The following CALN1 variants were observed in gnomAD, a reference collection of about 807,000 sequenced individuals.
The protein encoded by CALN1 is calcium-binding protein 8.
CALN1 carries 17 observed loss-of-function variants against 30.6 expected under a neutral mutation model. The ratio of observed to expected loss-of-function variants is 0.56; its 90% CI spans 0.38 to 0.83. The LOEUF (loss-of-function observed/expected upper bound fraction) is 0.83. CALN1 is among the 40% of genes least tolerant of loss of function. The pLI is 0.00. For synonymous variants in CALN1, 156 were observed against 131.4 expected (o/e 1.19, Z -1.28); for missense variants, 291 against 354.9 (o/e 0.82, Z 1.45).
At chr7:71,979,730 C>T (rs1172090200) in intron 5 of CALN1, among the ~76,000 whole-genome samples, 3 of 152,088 alleles carry the variant, frequency 2.0e-5, no homozygotes, top group Non-Finnish European at 4.4e-5. Context: ...AATAATGATA[C>T]TCTGCCTACT....
chr7:72,487,908 AAG>A, the CALN1 span, among the ~76,000 whole-genome samples: 1 of 80,322 alleles, frequency 1.2e-5, no homozygotes, highest in Admixed American at 1.2e-4. Flanking sequence ...GAAAGAAAGA[AAG>A]AAAGAAAGAA....
chr7:72,203,368 C>A (rs1440010684), intron 3 of CALN1, among the ~76,000 whole-genome samples: 1 of 151,608 alleles, frequency 6.6e-6, no homozygotes, highest in East Asian at 1.9e-4. Flanking sequence ...ATTAAAAAAT[C>A]ACCTTAAATT....
the CALN1 span, among the ~76,000 whole-genome samples, chr7:72,491,040 C>T: frequency 1.1e-4 from 16 of 151,966 alleles, no homozygotes; most frequent in Non-Finnish European, 1.6e-4. Flanking sequence ...GTCAGGAGAT[C>T]GAGACCATCC....
intron 2 of CALN1, among the ~76,000 whole-genome samples, chr7:72,303,906 T>C (rs535890497): frequency 6.6e-6 from 1 of 152,318 alleles, no homozygotes; most frequent in South Asian, 2.1e-4. Flanking sequence ...ATGGGATTGC[T>C]TGTATCATAT....
At chr7:71,837,305 T>C (rs1020364553) in intron 5 of CALN1, among the ~76,000 whole-genome samples, 35 of 150,446 alleles carry the variant, frequency 2.3e-4, no homozygotes, top group Admixed American at 2.3e-3. Flanking sequence ...GGCTTATTGT[T>C]AACCAGGTAA....
intron 4 of CALN1, among the ~76,000 whole-genome samples, chr7:72,072,205 C>T (rs1297553467): frequency 6.6e-6 from 1 of 151,936 alleles, no homozygotes; most frequent in African/African-American, 2.4e-5. Flanking sequence ...TCAAAGAGAC[C>T]CACATCAAGA....
At chr7:72,276,838 T>C (rs562932417) in intron 3 of CALN1, among the ~76,000 whole-genome samples, 1 of 152,274 alleles carries the variant, frequency 6.6e-6, no homozygotes, top group South Asian at 2.1e-4. Flanking sequence ...ACCCAGAAGG[T>C]ACTATGTTGT....
chr7:72,296,837 G>C (rs1798899583), intron 2 of CALN1, among the ~76,000 whole-genome samples: 1 of 150,750 alleles, frequency 6.6e-6, no homozygotes, highest in Non-Finnish European at 1.5e-5. Flanking sequence ...TTTTTGAAGG[G>C]TTTTTTGTGT....
At chr7:72,460,130 G>A in the CALN1 span, among the ~76,000 whole-genome samples, 1 of 152,058 alleles carries the variant, frequency 6.6e-6, no homozygotes, top group East Asian at 1.9e-4. Flanking sequence ...CTAATAGAGT[G>A]AAATCTCACT....
chr7:72,495,407 C>T, the CALN1 span, among the ~76,000 whole-genome samples: 2 of 152,188 alleles, frequency 1.3e-5, no homozygotes, highest in African/African-American at 4.8e-5. Flanking sequence ...ATAGCAACCA[C>T]GGTCCTTCAG....
intron 3 of CALN1, among the ~76,000 whole-genome samples, chr7:72,158,715 G>A (rs1362281316): frequency 1.3e-5 from 2 of 152,188 alleles, no homozygotes; most frequent in Non-Finnish European, 2.9e-5. Context: ...GGCATCTTGT[G>A]ATGCTGAGGA....
At chr7:72,258,553 T>C (rs1458023488) in intron 3 of CALN1, among the ~76,000 whole-genome samples, 1 of 152,230 alleles carries the variant, frequency 6.6e-6, no homozygotes, top group Non-Finnish European at 1.5e-5. Context: ...TTCATCTTTC[T>C]GATACGGGAT....
intron 2 of CALN1, among the ~76,000 whole-genome samples, chr7:72,331,337 G>A (rs745875862): frequency 6.6e-5 from 10 of 151,886 alleles, no homozygotes; most frequent in Admixed American, 1.3e-4. Context: ...GCAACAGAGC[G>A]AGACTCCATC....
chr7:72,013,227 T>C (rs1183147316), intron 5 of CALN1, among the ~76,000 whole-genome samples: 2 of 151,304 alleles, frequency 1.3e-5, no homozygotes, highest in Non-Finnish European at 2.9e-5. Context: ...TGTTGGATAA[T>C]GTAATTTTGC....
At chr7:72,099,458 CT>C (rs796540118) in intron 4 of CALN1, among the ~76,000 whole-genome samples, 452 of 142,958 alleles carry the variant, frequency 3.2e-3, no homozygotes, top group East Asian at 0.013. Flanking sequence ...TAATTAGAAT[CT>C]TTTTTTTTTT....
In CALN1 at chr7:71,908,888, TGTCCTTTCAGGGATCCAGGGAC is replaced by T. The variant is rs1330325379; in HGVS notation, c.502-98418_502-98397del. Among the ~76,000 whole-genome samples, 8 of 152,330 alleles carry T rather than the reference TGTCCTTTCAGGGATCCAGGGAC, an allele frequency of 5.3e-5. No homozygotes were observed. The East Asian group carries it at 5.8e-4, about 11-fold the overall frequency. ...GTGTTCTTAATCTTCTATCCAGGGA[TGTCCTTTCAGGGATCCAGGGAC>T]GTCCTTTCAGGGATCCAGCAACGTC... On this transcript the variant is annotated intron_variant, in intron 5 of 6. Transcript: ENST00000395275.
intron 3 of CALN1, among the ~76,000 whole-genome samples, chr7:72,244,394 G>A (rs892977607): frequency 3.9e-5 from 6 of 152,100 alleles, no homozygotes; most frequent in Non-Finnish European, 5.9e-5. Flanking sequence ...TTCCTACAAC[G>A]TACAAGACTG....
chr7:72,256,274 T>C (rs1052430006), intron 3 of CALN1, among the ~76,000 whole-genome samples: 19 of 151,946 alleles, frequency 1.3e-4, no homozygotes, highest in Non-Finnish European at 7.4e-5. Context: ...GCCTGAGCAA[T>C]AGAGTTAGAC....
intron 2 of CALN1, among the ~76,000 whole-genome samples, chr7:72,393,380 C>T (rs1386336419): frequency 1.3e-5 from 2 of 152,080 alleles, no homozygotes; most frequent in African/African-American, 4.8e-5. Context: ...AGGAGAATGG[C>T]GTGAACCTGG....
Sources: allele counts gnomAD v4.1 joint callset (sites outside exome capture counted in the v4.1 genomes callset), GRCh38; gene constraint gnomAD v4.1.1; transcripts MANE v1.5; gene names NCBI Gene and HGNC (gene_info 2026-07-23, HGNC 2026-07-21).